TMEM266: variants seen among roughly 807,000 people sequenced by gnomAD.
TMEM266 encodes the protein transmembrane protein 266, also known as Hv1 related protein 1.
TMEM266 carries 33 observed loss-of-function variants against 50.5 expected under a neutral mutation model. The observed-to-expected ratio is 0.65, with a 90% confidence interval of 0.50 to 0.87. The LOEUF (loss-of-function observed/expected upper bound fraction) is 0.87, where lower values mean the gene tolerates loss of function less well. Among genes scored for constraint, TMEM266 ranks in the 40% least tolerant of loss-of-function variants. TMEM266 has a pLI of 0.00. For synonymous variants in TMEM266, 310 were observed against 292.3 expected (o/e 1.06, Z -0.62); for missense variants, 655 against 695.1 (o/e 0.94, Z 0.65).
chr15:76,174,063 G>A (rs1479823539), intron 7 of TMEM266, among the ~76,000 whole-genome samples: 1 of 152,040 alleles, frequency 6.6e-6, no homozygotes, highest in Non-Finnish European at 1.5e-5. Context: ...TTGTTGCTCT[G>A]CTGCACTTAG....
rs1345428748 is a variant in TMEM266, at chr15:76,202,242, G to C, written c.999G>C (p.Gln333His). ...ACGACATGAACAGCTACATCAGTCAGTATTACAATGGGCCCAGCAGTGGTA... is the reference window on the plus strand; with the variant it reads ...ACGACATGAACAGCTACATCAGTCACTATTACAATGGGCCCAGCAGTGGTA... Residue 333 changes from glutamine (Q) to histidine (H), a missense_variant, in exon 10 of 11, where the codon CAG becomes CAC. This residue lies in a region of TMEM266 where 455 missense variants were observed against 401.8 expected (regional missense o/e 1.13). Transcript: ENST00000388942. The C allele has an allele frequency of 6.2e-7, 1 of 1,613,842 alleles. No homozygotes were observed. The highest frequency in any genetic ancestry group is 1.3e-5 in the African/African-American group (1 of 74,922).
chr15:76,142,143 C>T (rs528258364), intron 3 of TMEM266, among the ~76,000 whole-genome samples: 1 of 152,346 alleles, frequency 6.6e-6, no homozygotes, highest in East Asian at 1.9e-4. Flanking sequence ...AATCCCAGCA[C>T]TTTGGGAGGC....
At chr15:76,164,162 C>G (rs1596145445) in intron 5 of TMEM266, among the ~76,000 whole-genome samples, 1 of 152,240 alleles carries the variant, frequency 6.6e-6, no homozygotes, top group East Asian at 1.9e-4. Context: ...GTGACTGCGG[C>G]TTTTAGCATG....
At chr15:76,123,356 A>G (rs2037371090) in intron 1 of TMEM266, among the ~76,000 whole-genome samples, 1 of 152,250 alleles carries the variant, frequency 6.6e-6, no homozygotes, top group Non-Finnish European at 1.5e-5. Flanking sequence ...GAGGGTGTGG[A>G]ACATGATGTC....
chr15:76,092,734 A>C (rs952393254), intron 1 of TMEM266, among the ~76,000 whole-genome samples: 1 of 151,638 alleles, frequency 6.6e-6, no homozygotes, highest in Non-Finnish European at 1.5e-5. Flanking sequence ...CTGAATCTAT[A>C]CTATGTTCTA....
intron 4 of TMEM266, among the ~76,000 whole-genome samples, chr15:76,157,801 A>G (rs746662225): frequency 1.3e-5 from 2 of 152,132 alleles, no homozygotes; most frequent in African/African-American, 2.4e-5. Context: ...AGCCTGGGGA[A>G]CATGGCAAGG....
At chr15:76,088,975 C>T (rs28616154) in intron 1 of TMEM266, among the ~76,000 whole-genome samples, 90,072 of 150,108 alleles carry the variant, frequency 0.6, 27,502 homozygotes, top group Admixed American at 0.71. Context: ...ATGCCTGTTA[C>T]TCCAGCTATT....
chr15:76,199,147 AGTT>A (rs1272701042), intron 9 of TMEM266, among the ~76,000 whole-genome samples: 1 of 152,216 alleles, frequency 6.6e-6, no homozygotes, highest in Non-Finnish European at 1.5e-5. Flanking sequence ...TGGAAGTCAA[AGTT>A]GTTGGTAAGA....
chr15:76,063,427 A>G (rs1265501644), intron 1 of TMEM266, among the ~76,000 whole-genome samples: 2 of 152,052 alleles, frequency 1.3e-5, no homozygotes, highest in African/African-American at 4.8e-5. Flanking sequence ...TGCTCCATCC[A>G]CACTGGCCTC....
intron 1 of TMEM266, among the ~76,000 whole-genome samples, chr15:76,084,965 T>A (rs1214606129): frequency 3.3e-5 from 5 of 151,124 alleles, no homozygotes; most frequent in African/African-American, 1.2e-4. Context: ...TTTCCTTTTT[T>A]TTTTTTTTAT....
intron 10 of TMEM266, 79 bp downstream of exon 10, chr15:76,202,343 C>T (rs896740817): frequency 7.8e-7 from 1 of 1,281,224 alleles, no homozygotes; most frequent in African/African-American, 1.5e-5. Context: ...GGCCTGGCTT[C>T]AAAGCATGCC....
chr15:76,192,218 T>G lies in TMEM266; in HGVS notation c.958+61T>G, dbSNP rs112753694. The G allele has an allele frequency of 4.0e-3, 5,452 of 1,369,308 alleles. 183 individuals carry two copies. In the African/African-American group the frequency reaches 0.076, roughly 19 times the overall value. The allele number at this position is 1,369,308 out of a possible 1,614,324, so 84.8% of individuals were successfully genotyped here. A position where few individuals can be genotyped will look rare whatever the true frequency, so the allele number is the denominator to read the frequency against. The stretch of plus-strand genomic sequence containing the variant: ...CGGCCGGGGATCCCCCTCGCCTCCC[T>G]CTCGCGCCCCGGGACTGTGCGCAGA... On this transcript the variant is annotated intron_variant, in intron 9 of 10. Coordinates refer to ENST00000388942, the MANE Select transcript of TMEM266 (RefSeq NM_152335.3).
intron 1 of TMEM266, among the ~76,000 whole-genome samples, chr15:76,123,955 T>C (rs190352723): frequency 6.6e-6 from 1 of 152,174 alleles, no homozygotes. Flanking sequence ...TCAGGTGATC[T>C]GCCCACCTCA....
intron 3 of TMEM266, 66 bp downstream of exon 3, chr15:76,137,961 C>G: frequency 6.8e-7 from 1 of 1,463,592 alleles, no homozygotes. Context: ...GTGGCTCACG[C>G]CTGTAATCCC....
intron 9 of TMEM266, among the ~76,000 whole-genome samples, chr15:76,194,374 T>TCTGCAGTCTCCCCTCCCC (rs1174267551): frequency 1.3e-5 from 2 of 152,312 alleles, no homozygotes; most frequent in Non-Finnish European, 2.9e-5. Flanking sequence ...CTCCCTGCCC[T>TCTGCAGTCTCCCCTCCCC]CTGCAGTCTC....
In TMEM266 at chr15:76,204,625, C is replaced by T. The variant is rs905823507; in HGVS notation, c.*310C>T. 1 of 236,068 alleles carries T rather than the reference C, an allele frequency of 4.2e-6. No homozygotes were observed. 14.6% of individuals were successfully genotyped at this position (236,068 alleles called of 1,614,324 possible). ...GCAGGGTAGAGTGTGGGGGGGCCAGCTCAGCCTCTTGCGTTGCCTTCGTTC... is the reference window on the plus strand; with the variant it reads ...GCAGGGTAGAGTGTGGGGGGGCCAGTTCAGCCTCTTGCGTTGCCTTCGTTC... On this transcript the variant is annotated 3_prime_UTR_variant, in exon 11 of 11. Transcript: ENST00000388942.
intron 1 of TMEM266, among the ~76,000 whole-genome samples, chr15:76,061,861 GT>G (rs2141977768): frequency 6.6e-6 from 1 of 152,296 alleles, no homozygotes; most frequent in African/African-American, 2.4e-5. Context: ...CTCACTGCCA[GT>G]CATCAGAGCA....
At chr15:76,085,022 C>T (rs2036754689) in intron 1 of TMEM266, among the ~76,000 whole-genome samples, 3 of 150,772 alleles carry the variant, frequency 2.0e-5, no homozygotes, top group South Asian at 2.1e-4. Context: ...TGCAGTGGCG[C>T]GATCTCGGCT....
In TMEM266 at chr15:76,191,734, G is replaced by T. The variant is rs1222372831; in HGVS notation, c.769-234G>T. 14 of 479,578 alleles carry T rather than the reference G, an allele frequency of 2.9e-5. 1 individual carries two copies. The highest frequency in any genetic ancestry group is 5.1e-5 in the Non-Finnish European group (14 of 273,964). The allele number at this position is 479,578 out of a possible 1,614,324, so 29.7% of individuals were successfully genotyped here. On this transcript the variant is annotated intron_variant, in intron 8 of 10. Transcript: ENST00000388942. ...CCGGGCATCCGTGAGATGGGGGCCA[G>T]ACTGCAAGGCACCTGAGACGCAGGA...
Sources: allele counts gnomAD v4.1 joint callset (sites outside exome capture counted in the v4.1 genomes callset), GRCh38; gene constraint gnomAD v4.1.1; regional missense constraint gnomAD v4.1.1; transcripts MANE v1.5; gene names NCBI Gene and HGNC (gene_info 2026-07-23, HGNC 2026-07-21).